The following PRKCH variants were observed in gnomAD, a reference collection of about 807,000 sequenced individuals.
PRKCH encodes protein kinase C eta.
In PRKCH, 28 loss-of-function variants were observed where a neutral mutation model predicts 82.5. That is an observed-to-expected ratio of 0.34 (90% CI 0.25 to 0.47). The LOEUF is 0.47. Among genes scored for constraint, PRKCH ranks in the 20% least tolerant of loss-of-function variants. The pLI, the probability that PRKCH is intolerant of heterozygous loss-of-function variation, is 1.00. For synonymous variants in PRKCH, 322 were observed against 327.4 expected, an observed-to-expected ratio of 0.98 and a Z score of 0.18; for missense variants, 705 against 881.8, an observed-to-expected ratio of 0.80 and a Z score of 2.54.
In PRKCH at chr14:61,404,829, G is replaced by A. The variant is rs1250856671; in HGVS notation, c.427+13541G>A. ...GTCTGTCTATTGGGATGGGGAACAG[G>A]AAGTGCAAATACTGTAAGGGTTGCA... On this transcript the variant is annotated intron_variant, in intron 2 of 13. Coordinates refer to ENST00000332981, the MANE Select transcript of PRKCH (RefSeq NM_006255.5). Among the ~76,000 whole-genome samples, 5 of 152,190 alleles carry A rather than the reference G, an allele frequency of 3.3e-5. No homozygotes were observed. In the East Asian group the frequency reaches 9.6e-4, roughly 29 times the overall value.
At chr14:61,220,775 T>C (rs375213149) in intron 1 of PRKCH, among the ~76,000 whole-genome samples, 36 of 150,784 alleles carry the variant, frequency 2.4e-4, no homozygotes, top group African/African-American at 8.3e-4. Flanking sequence ...AAAATTAACA[T>C]GATGATAAGA....
chr14:61,470,080 C>T (rs1885430076), intron 9 of PRKCH, among the ~76,000 whole-genome samples: 1 of 151,186 alleles, frequency 6.6e-6, no homozygotes, highest in Non-Finnish European at 1.5e-5. Flanking sequence ...AGGCTCAGAG[C>T]CGTCATCTGC....
chr14:61,274,168 C>G (rs898528622), intron 1 of PRKCH, among the ~76,000 whole-genome samples: 3 of 152,120 alleles, frequency 2.0e-5, no homozygotes, highest in Admixed American at 2.0e-4. Flanking sequence ...AGAGTAAAGT[C>G]TTAAGGAAGA....
At chr14:61,230,682 T>G (rs894555714) in intron 1 of PRKCH, among the ~76,000 whole-genome samples, 5 of 152,248 alleles carry the variant, frequency 3.3e-5, no homozygotes, top group African/African-American at 1.2e-4. Context: ...ATGCAAACTC[T>G]GACCACTGTC....
chr14:61,491,702 G>A (rs760190807), intron 10 of PRKCH, among the ~76,000 whole-genome samples: 17 of 152,152 alleles, frequency 1.1e-4, no homozygotes, highest in South Asian at 2.1e-4. Flanking sequence ...CCCTTTTCCC[G>A]TAGTGAAACT....
At chr14:61,481,827 C>T (rs763501057) in intron 9 of PRKCH, among the ~76,000 whole-genome samples, 2 of 151,900 alleles carry the variant, frequency 1.3e-5, no homozygotes, top group Non-Finnish European at 2.9e-5. Context: ...ATTGAAAATA[C>T]CTACATGAGA....
At chr14:61,284,782 A>C (rs2045300077) in intron 1 of PRKCH, among the ~76,000 whole-genome samples, 1 of 152,196 alleles carries the variant, frequency 6.6e-6, no homozygotes, top group African/African-American at 2.4e-5. Flanking sequence ...GAAAAGAAAA[A>C]AGGCATTTCT....
At chr14:61,234,573 A>G (rs2044772329) in intron 1 of PRKCH, among the ~76,000 whole-genome samples, 1 of 152,102 alleles carries the variant, frequency 6.6e-6, no homozygotes, top group Non-Finnish European at 1.5e-5. Context: ...ATCTTAGACA[A>G]CCAATATTTT....
chr14:61,475,495 G>A (rs923604896), intron 9 of PRKCH, among the ~76,000 whole-genome samples: 1 of 152,176 alleles, frequency 6.6e-6, no homozygotes, highest in African/African-American at 2.4e-5. Context: ...TGCCCAGTTA[G>A]CAATCATCTC....
intron 2 of PRKCH, among the ~76,000 whole-genome samples, chr14:61,431,484 A>G (rs141889470): frequency 6.6e-6 from 1 of 152,162 alleles, no homozygotes; most frequent in Non-Finnish European, 1.5e-5. Flanking sequence ...CCTTGGTCTC[A>G]TTCTACCTTA....
At chr14:61,312,115 CA>C (rs1234066285) in intron 1 of PRKCH, among the ~76,000 whole-genome samples, 2 of 152,160 alleles carry the variant, frequency 1.3e-5, no homozygotes, top group Non-Finnish European at 2.9e-5. Flanking sequence ...AGAGTCAAGC[CA>C]TATCAACTAC....
intron 2 of PRKCH, among the ~76,000 whole-genome samples, chr14:61,430,822 T>C (rs890087420): frequency 6.6e-6 from 1 of 151,864 alleles, no homozygotes; most frequent in Non-Finnish European, 1.5e-5. Flanking sequence ...TGTCGTGATC[T>C]CAGCTCACTG....
At chr14:61,485,372 C>G in intron 9 of PRKCH, 130 bp from the exon 10 acceptor site, 1 of 1,226,248 alleles carries the variant, frequency 8.2e-7, no homozygotes, top group South Asian at 1.5e-5. Context: ...GACCCATGGT[C>G]AGGATGTTTC....
chr14:61,526,373 T>C lies in PRKCH; in HGVS notation c.1434-2702T>C, dbSNP rs563092269. ...TTATGCCCCTGACACCCGGGGAGGC[T>C]GCTACTAAGAGCAGAGAAGTCTGTT... On this transcript the variant is annotated intron_variant, in intron 10 of 13. Transcript: ENST00000332981. 2.6e-5 allele frequency among the ~76,000 whole-genome samples: 4 copies of C among 152,344 alleles called. No individual in the cohort carries two copies. In the East Asian group the frequency reaches 7.7e-4, roughly 29 times the overall value.
chr14:61,386,265 C>T (rs1019482723), intron 1 of PRKCH, among the ~76,000 whole-genome samples: 1 of 152,138 alleles, frequency 6.6e-6, no homozygotes, highest in African/African-American at 2.4e-5. Context: ...ATGTGCTGTG[C>T]TAAAGAATTT....
At chr14:61,288,092 C>A (rs971390026) in intron 1 of PRKCH, among the ~76,000 whole-genome samples, 3 of 152,024 alleles carry the variant, frequency 2.0e-5, no homozygotes, top group African/African-American at 7.3e-5. Context: ...ATTCTAACAG[C>A]CATAAACTAG....
rs72712383 is a variant in PRKCH, at chr14:61,548,023, C to A, written c.1905+137C>A. On this transcript the variant is annotated intron_variant, in intron 13 of 13. Coordinates refer to ENST00000332981, the MANE Select transcript of PRKCH (RefSeq NM_006255.5). ...GCTGGATACTGCACAGGGCAGCCTCCCCTGGGGGGAATCTGGGCTCCTTGT... is the reference window on the plus strand; with the variant it reads ...GCTGGATACTGCACAGGGCAGCCTCACCTGGGGGGAATCTGGGCTCCTTGT... The A allele has an allele frequency of 8.1e-3, 9,245 of 1,136,326 alleles. 54 individuals are homozygous for A. The highest frequency in any genetic ancestry group is 0.01 in the Non-Finnish European group (8,266 of 805,556). 70.4% of individuals were successfully genotyped at this position (1,136,326 alleles called of 1,614,324 possible).
At chr14:61,403,035 T>TA in intron 2 of PRKCH, among the ~76,000 whole-genome samples, 1 of 152,176 alleles carries the variant, frequency 6.6e-6, no homozygotes, top group South Asian at 2.1e-4. Flanking sequence ...GCCTCCCCAC[T>TA]AGCTGTCTTC....
intron 1 of PRKCH, among the ~76,000 whole-genome samples, chr14:61,315,894 C>G (rs893343757): frequency 1.3e-5 from 2 of 151,772 alleles, no homozygotes; most frequent in Non-Finnish European, 2.9e-5. Flanking sequence ...ATTACAGGGA[C>G]ATACCACCAC....
Sources: allele counts gnomAD v4.1 joint callset (sites outside exome capture counted in the v4.1 genomes callset), GRCh38; gene constraint gnomAD v4.1.1; transcripts MANE v1.5; gene names NCBI Gene and HGNC (gene_info 2026-07-23, HGNC 2026-07-21).